The following WDR59 variants were observed in gnomAD, a reference collection of about 807,000 sequenced individuals.
The protein encoded by WDR59 is WD repeat domain 59.
WDR59 carries 100 observed loss-of-function variants against 131.2 expected under a neutral mutation model. That is an observed-to-expected ratio of 0.76 (90% CI 0.65 to 0.90). The LOEUF (loss-of-function observed/expected upper bound fraction) is 0.90, where lower values mean the gene tolerates loss of function less well. WDR59 is among the 40% of genes least tolerant of loss of function. The pLI, the probability that WDR59 is intolerant of heterozygous loss-of-function variation, is 0.00. For synonymous variants in WDR59, 601 were observed against 466.2 expected (o/e 1.29, Z -3.72); for missense variants, 1,203 against 1,262.2 (o/e 0.95, Z 0.71).
intron 9 of WDR59, among the ~76,000 whole-genome samples, chr16:74,922,524 A>C (rs7187306): frequency 0.011 from 1,714 of 152,250 alleles, 27 homozygotes; most frequent in African/African-American, 0.039. Flanking sequence ...CCACGTGGAA[A>C]TGCACCAGAA....
intron 25 of WDR59, among the ~76,000 whole-genome samples, chr16:74,884,713 T>C (rs538642847): frequency 8.5e-5 from 13 of 152,330 alleles, no homozygotes; most frequent in Admixed American, 2.6e-4. Flanking sequence ...CTCTACACTC[T>C]AATTTGATAT....
At chr16:74,885,364 G>A (rs1048403451) in intron 25 of WDR59, among the ~76,000 whole-genome samples, 4 of 131,116 alleles carry the variant, frequency 3.1e-5, no homozygotes, top group African/African-American at 1.1e-4. Flanking sequence ...GGGAGGAGAA[G>A]TTAGAACCCA....
intron 25 of WDR59, among the ~76,000 whole-genome samples, chr16:74,877,272 T>C (rs1051279676): frequency 3.9e-5 from 6 of 152,108 alleles, no homozygotes; most frequent in Admixed American, 3.3e-4. Context: ...AAAGGTATCT[T>C]AACATTTTTA....
At position 74,871,421 on chromosome 16, in the gene WDR59, A is replaced by C. The variant is rs1442033292; in HGVS notation, c.*2788T>G. Reference sequence around the variant, plus strand: ...AGAATATCGGCCATGGCCCGCAACCAGACAACCAACCTGTTTCCAAACATG... The same window carrying C: ...AGAATATCGGCCATGGCCCGCAACCCGACAACCAACCTGTTTCCAAACATG... On this transcript the variant is annotated 3_prime_UTR_variant, in exon 26 of 26. Transcript: ENST00000262144. The C allele has an allele frequency of 6.6e-6, 1 of 152,252 alleles. No homozygotes were observed. Among genetic ancestry groups the C allele is most frequent in the African/African-American group, 2.4e-5 (1 of 41,466 alleles). The allele number at this position is 152,252 out of a possible 1,614,324, so 9.4% of individuals were successfully genotyped here.
At chr16:74,905,031 T>C (rs1965729763) in intron 17 of WDR59, among the ~76,000 whole-genome samples, 1 of 152,248 alleles carries the variant, frequency 6.6e-6, no homozygotes, top group Admixed American at 6.5e-5. Context: ...AAATAAGGAA[T>C]TTAAATCTAT....
intron 2 of WDR59, among the ~76,000 whole-genome samples, chr16:74,963,977 A>T (rs1198244928): frequency 6.6e-6 from 1 of 152,042 alleles, no homozygotes; most frequent in Non-Finnish European, 1.5e-5. Flanking sequence ...GGATTACTTG[A>T]GCCCAGCAGT....
intron 6 of WDR59, among the ~76,000 whole-genome samples, chr16:74,945,376 C>T (rs1237095535): frequency 2.0e-5 from 3 of 151,582 alleles, no homozygotes; most frequent in Admixed American, 6.6e-5. Context: ...ACTCGGGAGG[C>T]TGAGGCAGGA....
At chr16:74,979,864 T>C (rs947284431) in intron 1 of WDR59, among the ~76,000 whole-genome samples, 11 of 72,512 alleles carry the variant, frequency 1.5e-4, no homozygotes, top group Non-Finnish European at 3.2e-4. Flanking sequence ...TTTTTTTTTC[T>C]TTGAGACAGA....
intron 8 of WDR59, among the ~76,000 whole-genome samples, chr16:74,936,363 G>T (rs918531642): frequency 6.6e-6 from 1 of 151,974 alleles, no homozygotes; most frequent in Admixed American, 6.6e-5. Flanking sequence ...GTCCTCCCAG[G>T]AAACTGGCTG....
chr16:74,963,016 G>C (rs539133660), intron 2 of WDR59: 1 of 152,312 alleles, frequency 6.6e-6, no homozygotes, highest in South Asian at 2.1e-4. Flanking sequence ...AGCACTTTGG[G>C]AGGCCGAGGT....
chr16:74,984,508 G>A (rs1023429146), intron 1 of WDR59: 4 of 192,990 alleles, frequency 2.1e-5, no homozygotes, highest in South Asian at 9.3e-5. Context: ...CCGCGTAGAC[G>A]CTGCAACAGG....
chr16:74,964,943 A>T (rs1361135517), intron 2 of WDR59, among the ~76,000 whole-genome samples: 1 of 152,110 alleles, frequency 6.6e-6, no homozygotes, highest in Non-Finnish European at 1.5e-5. Flanking sequence ...ACGTGCCTAT[A>T]ATCCCAGCTA....
chr16:74,877,448 T>C (rs1158039609), intron 25 of WDR59, among the ~76,000 whole-genome samples: 1 of 152,244 alleles, frequency 6.6e-6, no homozygotes, highest in African/African-American at 2.4e-5. Flanking sequence ...TTGGTGTTTT[T>C]TGTCATGCTT....
At chr16:74,958,537 G>A (rs780965572) in intron 2 of WDR59, among the ~76,000 whole-genome samples, 9 of 126,986 alleles carry the variant, frequency 7.1e-5, no homozygotes, top group African/African-American at 1.5e-4. Context: ...AGGTTGCAGT[G>A]AGCTGAGATC....
intron 9 of WDR59, among the ~76,000 whole-genome samples, chr16:74,923,632 C>A (rs759177154): frequency 6.6e-6 from 1 of 152,096 alleles, no homozygotes; most frequent in African/African-American, 2.4e-5. Context: ...CATATGCCAC[C>A]ACACCTGGCT....
rs191859212 is a variant in WDR59, at chr16:74,973,843, C to A, written c.55-8021G>T. On this transcript the variant is annotated intron_variant, in intron 1 of 25. Coordinates refer to ENST00000262144, the MANE Select transcript of WDR59 (RefSeq NM_030581.4). ...CTGAGGTCAAGAGTTCAAGACCAGC[C>A]TGGCCAACATGGTGATACCCTGTCT... is the stretch of plus-strand genomic sequence containing the variant. Among the ~76,000 whole-genome samples the A allele has an allele frequency of 3.4e-4, 52 of 152,268 alleles. No individual in the cohort carries two copies. In the East Asian group the frequency reaches 9.3e-3, roughly 27 times the overall value.
At chr16:74,882,417 C>T (rs893279363) in intron 25 of WDR59, among the ~76,000 whole-genome samples, 13 of 152,066 alleles carry the variant, frequency 8.5e-5, no homozygotes, top group African/African-American at 1.9e-4. Flanking sequence ...CCTAAACCTA[C>T]GTATTATTCT....
At chr16:74,944,765 GA>G (rs529957196) in intron 6 of WDR59, among the ~76,000 whole-genome samples, 4 of 152,182 alleles carry the variant, frequency 2.6e-5, no homozygotes, top group African/African-American at 9.6e-5. Context: ...ACAAAGGAAA[GA>G]AGTCTTCTAC....
intron 8 of WDR59, chr16:74,930,914 A>C (rs1290080892): frequency 4.1e-5 from 5 of 121,480 alleles, no homozygotes; most frequent in Non-Finnish European, 3.6e-5. Context: ...AAAAAAAAAA[A>C]CAGAAAAGAA....
Sources: allele counts gnomAD v4.1 joint callset (sites outside exome capture counted in the v4.1 genomes callset), GRCh38; gene constraint gnomAD v4.1.1; transcripts MANE v1.5; gene names NCBI Gene and HGNC (gene_info 2026-07-23, HGNC 2026-07-21).